The following NT5C3A variants were observed in gnomAD, a reference collection of about 807,000 sequenced individuals.
NT5C3A encodes cytosolic 5'-nucleotidase 3A.
Under a neutral mutation model 40.0 loss-of-function variants are expected in NT5C3A, and 23 were observed. The ratio of observed to expected loss-of-function variants is 0.58; its 90% CI spans 0.41 to 0.81. The LOEUF is 0.81. Ranked by LOEUF, NT5C3A falls within the 40% of genes least tolerant of loss-of-function variation. The pLI, the probability that NT5C3A is intolerant of heterozygous loss-of-function variation, is 0.00. For synonymous variants in NT5C3A, 130 were observed against 141.4 expected (o/e 0.92, Z 0.57); for missense variants, 328 against 403.0 (o/e 0.81, Z 1.59).
chr7:33,059,859 C>A (rs1787709837), intron 1 of NT5C3A, among the ~76,000 whole-genome samples: 1 of 152,228 alleles, frequency 6.6e-6, no homozygotes, highest in East Asian at 1.9e-4. Context: ...TCATCTTTCG[C>A]AAGCAATACT....
chr7:33,014,177 A>C lies in NT5C3A; in HGVS notation c.*553T>G, dbSNP rs1417283080. On this transcript the variant is annotated 3_prime_UTR_variant, in exon 9 of 9. Transcript: ENST00000610140. ...ATTTATTATCAGTGCTTCAATATAG[A>C]ATGTTTTGTAATGATTAGCAACATT... 2.2e-6 allele frequency: 1 copy of C among 452,824 alleles called. No individual in the cohort carries two copies. Among genetic ancestry groups the C allele is most frequent in the Non-Finnish European group, 4.4e-6 (1 of 226,212 alleles). The allele number at this position is 452,824 out of a possible 1,614,324, so 28.1% of individuals were successfully genotyped here.
In NT5C3A at chr7:33,029,597, T is replaced by C. The variant is rs765946357; in HGVS notation, c.139-2682A>G. 8 of 1,172,276 alleles carry C rather than the reference T, an allele frequency of 6.8e-6. No individual in the cohort carries two copies. In the African/African-American group the frequency reaches 7.9e-5, roughly 12 times the overall value. 72.6% of individuals were successfully genotyped at this position (1,172,276 alleles called of 1,614,324 possible). A position where few individuals can be genotyped will look rare whatever the true frequency, so the allele number is the denominator to read the frequency against. On this transcript the variant is annotated intron_variant, in intron 1 of 8. Transcript: ENST00000610140. ...CTATTTTTTCACCAAAAAAATTAAA[T>C]ATTTGATTTCAGTGTACCCAAGATG...
At chr7:33,018,469 A>G (rs996787253) in intron 6 of NT5C3A, among the ~76,000 whole-genome samples, 1 of 152,220 alleles carries the variant, frequency 6.6e-6, no homozygotes, top group African/African-American at 2.4e-5. Context: ...AGAAGTAATC[A>G]CCTTAAAATA....
At position 33,021,327 on chromosome 7, in the gene NT5C3A, T is replaced by C. The variant is rs771148466; in HGVS notation, c.385A>G (p.Ile129Val). The C allele has an allele frequency of 3.7e-6, 6 of 1,612,002 alleles. No individual in the cohort carries two copies. The highest frequency in any genetic ancestry group is 1.7e-4 in the Middle Eastern group (1 of 6,050). Residue 129 changes from isoleucine (I) to valine (V), a missense_variant, in exon 5 of 9, where the codon ATT (isoleucine) becomes GTT (valine). This residue lies in a region of NT5C3A where 280 missense variants were observed against 317.2 expected (regional missense o/e 0.88). Coordinates refer to ENST00000610140, the MANE Select transcript of NT5C3A (RefSeq NM_001002010.5). Reference sequence around the variant, plus strand: ...ACAGTAAGAACAGGATCAACTTCAATAGCGTAATATTTTTCCTTTAGTTGC... The same window carrying C: ...ACAGTAAGAACAGGATCAACTTCAACAGCGTAATATTTTTCCTTTAGTTGC... Reference protein sequence around the residue: ...LLQLKEKYYAIEVDPVLTVEE... With the variant: ...LLQLKEKYYAVEVDPVLTVEE...
chr7:33,048,719 CA>C, intron 1 of NT5C3A, among the ~76,000 whole-genome samples: 1 of 152,272 alleles, frequency 6.6e-6, no homozygotes, highest in African/African-American at 2.4e-5. Flanking sequence ...GGCAGGCATT[CA>C]GGGGATCAGG....
chr7:33,046,698 AG>A (rs1459072087), intron 1 of NT5C3A, among the ~76,000 whole-genome samples: 1 of 152,242 alleles, frequency 6.6e-6, no homozygotes, highest in Non-Finnish European at 1.5e-5. Context: ...TAGGTAGGTC[AG>A]GTTCAAGAAA....
At chr7:33,022,646 T>C (rs972767578) in intron 3 of NT5C3A, among the ~76,000 whole-genome samples, 3 of 152,182 alleles carry the variant, frequency 2.0e-5, no homozygotes, top group Admixed American at 2.0e-4. Flanking sequence ...TCATACCAAA[T>C]CTGTAATTTT....
intron 2 of NT5C3A, among the ~76,000 whole-genome samples, chr7:33,026,529 A>AT (rs1562591036): frequency 6.6e-6 from 1 of 151,504 alleles, no homozygotes; most frequent in African/African-American, 2.4e-5. Flanking sequence ...TAATTTTTGT[A>AT]TTTTTTAGTA....
At chr7:33,062,544 G>A (rs1296604887) in intron 1 of NT5C3A, 24 bp downstream of exon 1, 2 of 1,603,302 alleles carry the variant, frequency 1.2e-6, no homozygotes, top group African/African-American at 2.7e-5. Context: ...GCGTGCTCTG[G>A]GCGCGCCGAG....
chr7:33,043,328 G>C (rs1171760963), intron 1 of NT5C3A, among the ~76,000 whole-genome samples: 1 of 152,152 alleles, frequency 6.6e-6, no homozygotes, highest in Non-Finnish European at 1.5e-5. Flanking sequence ...ACATAAGACA[G>C]TATTTGTAAT....
chr7:33,059,370 T>C (rs1229036851), intron 1 of NT5C3A, among the ~76,000 whole-genome samples: 2 of 152,250 alleles, frequency 1.3e-5, no homozygotes, highest in African/African-American at 4.8e-5. Context: ...AAATTTCATA[T>C]GACTTAAAGT....
intron 1 of NT5C3A, among the ~76,000 whole-genome samples, chr7:33,030,557 C>T (rs1258569777): frequency 6.6e-6 from 1 of 152,054 alleles, no homozygotes; most frequent in East Asian, 1.9e-4. Flanking sequence ...TATGGTAAAG[C>T]CGCAGCGTAA....
Position 33,062,586 on chromosome 7 carries a change from C to T in NT5C3A, c.120G>A (p.Lys40=), listed in dbSNP as rs1441563138. The change falls in exon 1 of 9, where the codon AAG becomes AAA. Residue 40 remains lysine (K), a synonymous_variant. Coordinates refer to ENST00000610140, the MANE Select transcript of NT5C3A (RefSeq NM_001002010.5). Reference sequence around the variant, plus strand: ...CACTCACCATCTCGATGATCTTGGTCTTCCGCCCCGTCTTCCTCTTCAAGG... The same window carrying T: ...CACTCACCATCTCGATGATCTTGGTTTTCCGCCCCGTCTTCCTCTTCAAGG... The part of the protein sequence containing the change: ...IFTLKRKTGR[K]TKIIEMMPEF... 1.2e-6 allele frequency: 2 copies of T among 1,610,396 alleles called. No individual in the cohort carries two copies. The highest frequency in any genetic ancestry group is 1.3e-5 in the African/African-American group (1 of 74,872).
chr7:33,037,701 G>T (rs770514784), intron 1 of NT5C3A, among the ~76,000 whole-genome samples: 14 of 152,088 alleles, frequency 9.2e-5, no homozygotes, highest in Non-Finnish European at 2.1e-4. Flanking sequence ...GAGTAAACAC[G>T]ATTTCCAAAC....
chr7:33,040,761 T>C (rs1188348023), intron 1 of NT5C3A: 2 of 370,132 alleles, frequency 5.4e-6, no homozygotes, highest in East Asian at 1.6e-4. Flanking sequence ...TTATTTTATT[T>C]CCTAAGTTTG....
chr7:33,026,585 A>ACCTC (rs1351327865), intron 2 of NT5C3A, among the ~76,000 whole-genome samples: 1 of 150,102 alleles, frequency 6.7e-6, no homozygotes, highest in Non-Finnish European at 1.5e-5. Context: ...CGAACTCCTG[A>ACCTC]CCTCAGCCTT....
intron 1 of NT5C3A, among the ~76,000 whole-genome samples, chr7:33,041,617 C>A (rs1786916559): frequency 6.6e-6 from 1 of 151,782 alleles, no homozygotes; most frequent in Admixed American, 6.6e-5. Context: ...TTTATATTTT[C>A]TTATACTTTT....
chr7:33,037,781 A>G (rs1786689404), intron 1 of NT5C3A, among the ~76,000 whole-genome samples: 1 of 152,186 alleles, frequency 6.6e-6, no homozygotes, highest in African/African-American at 2.4e-5. Flanking sequence ...GTGTGTATAT[A>G]TATCGATATA....
chr7:33,051,189 A>T (rs1787354029), intron 1 of NT5C3A, among the ~76,000 whole-genome samples: 1 of 151,734 alleles, frequency 6.6e-6, no homozygotes, highest in Non-Finnish European at 1.5e-5. Flanking sequence ...TTTGAGATGG[A>T]GTCTCACTCT....
Sources: gnomAD v4.1 joint callset for allele counts (sites outside exome capture counted in the v4.1 genomes callset) on GRCh38, gnomAD v4.1.1 for gene constraint, gnomAD v4.1.1 regional missense constraint, MANE v1.5 for transcripts, NCBI Gene and HGNC (gene_info 2026-07-23, HGNC 2026-07-21) for gene names.